FAM135A: variants seen among roughly 807,000 people sequenced by gnomAD.
The protein encoded by FAM135A is family with sequence similarity 135 member A.
Under a neutral mutation model 146.8 loss-of-function variants are expected in FAM135A, and 79 were observed. The ratio of observed to expected loss-of-function variants is 0.54; its 90% CI spans 0.45 to 0.65. The LOEUF is 0.65. FAM135A is among the 30% of genes least tolerant of loss of function. The pLI is 0.00. For synonymous variants in FAM135A, 562 were observed against 603.6 expected, an observed-to-expected ratio of 0.93 and a Z score of 1.01; for missense variants, 1,623 against 1,758.2, an observed-to-expected ratio of 0.92 and a Z score of 1.38.
chr6:70,514,495 G>T (rs1465356432), intron 12 of FAM135A, among the ~76,000 whole-genome samples: 1 of 152,114 alleles, frequency 6.6e-6, no homozygotes, highest in Non-Finnish European at 1.5e-5. Context: ...TTTGGAAGTT[G>T]TTACTCCCAT....
intron 20 of FAM135A, among the ~76,000 whole-genome samples, chr6:70,555,454 C>T (rs1473121583): frequency 1.3e-5 from 2 of 151,818 alleles, no homozygotes; most frequent in African/African-American, 4.8e-5. Context: ...GATCTCACTT[C>T]GTTGCCCAGG....
Position 70,559,776 on chromosome 6 carries a change from G to A in FAM135A, c.4403G>A (p.Cys1468Tyr). Residue 1468 changes from cysteine (C) to tyrosine (Y), a missense_variant, in exon 22 of 22, where the codon TGT becomes TAT. By Grantham distance (194) the Cys-to-Tyr change is radical. Around this residue, in one of 7 missense-constraint regions of FAM135A, gnomAD observed 138 missense variants for 174.1 expected, o/e 0.79. Transcript: ENST00000418814. ...CGACCCGTTCTGCAAAGCAAGGACT[G>A]TAATTTGGTTCGCTATAATGTCATC... ...LLRPVLQSKD[C>Y]NLVRYNVINA... 6.2e-7 allele frequency: 1 copy of A among 1,614,106 alleles called. No homozygotes were observed. The highest frequency in any genetic ancestry group is 8.5e-7 in the Non-Finnish European group (1 of 1,180,008).
intron 5 of FAM135A, 122 bp from the exon 6 acceptor site, chr6:70,475,288 T>C: frequency 1.3e-6 from 1 of 748,090 alleles, no homozygotes; most frequent in South Asian, 2.2e-5. Context: ...AATACTGCAG[T>C]ATAAATTGAT....
intron 11 of FAM135A, among the ~76,000 whole-genome samples, chr6:70,496,934 T>C (rs2128234634): frequency 6.6e-6 from 1 of 152,354 alleles, no homozygotes; most frequent in Middle Eastern, 3.4e-3. Flanking sequence ...TGAAGTCTGG[T>C]AGCGTTATGC....
intron 4 of FAM135A, among the ~76,000 whole-genome samples, chr6:70,439,159 A>T (rs1357441756): frequency 6.6e-6 from 1 of 152,132 alleles, no homozygotes; most frequent in African/African-American, 2.4e-5. Flanking sequence ...ACTGAGCAAG[A>T]TCTAAAAAAA....
intron 4 of FAM135A, among the ~76,000 whole-genome samples, chr6:70,444,615 T>C (rs1300583372): frequency 6.6e-6 from 1 of 152,090 alleles, no homozygotes; most frequent in Non-Finnish European, 1.5e-5. Flanking sequence ...AAATTTTATA[T>C]CTTTTAAAGT....
At chr6:70,546,004 T>A (rs1189757049) in intron 20 of FAM135A, among the ~76,000 whole-genome samples, 1 of 152,222 alleles carries the variant, frequency 6.6e-6, no homozygotes, top group African/African-American at 2.4e-5. Flanking sequence ...TTGTAGAGAT[T>A]GAAACAAGTC....
intron 16 of FAM135A, among the ~76,000 whole-genome samples, chr6:70,532,038 A>G (rs1795919631): frequency 6.6e-6 from 1 of 151,470 alleles, no homozygotes; most frequent in Admixed American, 6.6e-5. Flanking sequence ...GTCTGCCACC[A>G]CACACGGCTA....
intron 5 of FAM135A, among the ~76,000 whole-genome samples, chr6:70,473,251 GTGCGCCAGCTT>G (rs1258964001): frequency 6.6e-6 from 1 of 152,062 alleles, no homozygotes; most frequent in Non-Finnish European, 1.5e-5. Context: ...AGATTTGTCT[GTGCGCCAGCTT>G]TGGAACCAAC....
In FAM135A at chr6:70,526,134, G is replaced by C. The variant is rs765680467; in HGVS notation, c.3050G>C (p.Ser1017Thr). 6 of 1,613,590 alleles carry C rather than the reference G, an allele frequency of 3.7e-6. No homozygotes were observed. The Admixed American group carries it at 1.0e-4, about 27-fold the overall frequency. The change falls in exon 15 of 22, where the codon AGT (serine) becomes ACT (threonine). Residue 1017 changes from serine (S) to threonine (T), a missense_variant. Around this residue, in one of 7 missense-constraint regions of FAM135A, gnomAD observed 1,061 missense variants for 1,113.8 expected, o/e 0.95. Transcript: ENST00000418814. ...TATTCAGAAATCCCTACAGTTGAAAGTGAAACTCATCTGGGTACAAGTGAT... is the reference window on the plus strand; with the variant it reads ...TATTCAGAAATCCCTACAGTTGAAACTGAAACTCATCTGGGTACAAGTGAT... ...QMYSEIPTVE[S>T]ETHLGTSDPF... is the part of the protein sequence containing the mutation.
intron 12 of FAM135A, among the ~76,000 whole-genome samples, chr6:70,511,223 A>G (rs114935738): frequency 0.019 from 2,880 of 151,990 alleles, 96 homozygotes; most frequent in African/African-American, 0.065. Flanking sequence ...CTTCTATTCT[A>G]TGAGTTGCTT....
At chr6:70,552,815 G>A (rs1489589989) in intron 20 of FAM135A, among the ~76,000 whole-genome samples, 1 of 151,938 alleles carries the variant, frequency 6.6e-6, no homozygotes, top group Non-Finnish European at 1.5e-5. Flanking sequence ...GAGAGAGAGG[G>A]AACACAGTTA....
At chr6:70,490,486 C>T (rs1240446588) in intron 10 of FAM135A, among the ~76,000 whole-genome samples, 1 of 151,852 alleles carries the variant, frequency 6.6e-6, no homozygotes, top group East Asian at 1.9e-4. Context: ...CAAATATCTG[C>T]CTCAGTTTAA....
chr6:70,534,597 C>T (rs553127977), intron 18 of FAM135A, among the ~76,000 whole-genome samples: 2 of 152,050 alleles, frequency 1.3e-5, no homozygotes, highest in Non-Finnish European at 2.9e-5. Flanking sequence ...CAGATGTGTG[C>T]CACCTTGCCC....
intron 19 of FAM135A, 37 bp from the exon 20 acceptor site, chr6:70,538,254 T>C (rs1344980669): frequency 8.4e-7 from 1 of 1,186,586 alleles, no homozygotes. Flanking sequence ...TTTTATATAT[T>C]TCATTTCATA....
intron 18 of FAM135A, among the ~76,000 whole-genome samples, chr6:70,534,593 T>G (rs756665736): frequency 6.6e-6 from 1 of 152,182 alleles, no homozygotes; most frequent in Non-Finnish European, 1.5e-5. Flanking sequence ...ATTACAGATG[T>G]GTGCCACCTT....
At chr6:70,529,439 A>G (rs1313784766) in intron 16 of FAM135A, among the ~76,000 whole-genome samples, 6 of 133,108 alleles carry the variant, frequency 4.5e-5, no homozygotes, top group Admixed American at 3.8e-4. Context: ...ATTTTTCTTT[A>G]AAAAAAAAAA....
chr6:70,546,629 A>G (rs1401817218), intron 20 of FAM135A, among the ~76,000 whole-genome samples: 2 of 152,254 alleles, frequency 1.3e-5, no homozygotes, highest in Non-Finnish European at 2.9e-5. Context: ...TTTTATAAAA[A>G]TCATAAATGT....
intron 12 of FAM135A, among the ~76,000 whole-genome samples, chr6:70,509,504 G>A (rs1427865498): frequency 6.6e-6 from 1 of 152,144 alleles, no homozygotes; most frequent in East Asian, 1.9e-4. Context: ...GACCTTCATA[G>A]ATGGATAGAC....
Sources: allele counts gnomAD v4.1 joint callset (sites outside exome capture counted in the v4.1 genomes callset), GRCh38; gene constraint gnomAD v4.1.1; regional missense constraint gnomAD v4.1.1; transcripts MANE v1.5; gene names NCBI Gene and HGNC (gene_info 2026-07-23, HGNC 2026-07-21).